The following TRPM3 variants were observed in gnomAD, a reference collection of about 807,000 sequenced individuals.
TRPM3 encodes the protein long transient receptor potential channel 3.
Under a neutral mutation model 181.2 loss-of-function variants are expected in TRPM3, and 77 were observed. The ratio of observed to expected loss-of-function variants is 0.42; its 90% CI spans 0.35 to 0.51. The LOEUF is 0.51. Ranked by LOEUF, TRPM3 falls within the 20% of genes least tolerant of loss-of-function variation. The probability of loss-of-function intolerance (pLI) is 0.01; values close to 1 mark genes in which losing one functional copy is unlikely to be tolerated. For missense variants in TRPM3, 1,759 were observed against 2,196.7 expected (o/e 0.80, Z 3.98); for synonymous variants, 745 against 796.4 (o/e 0.94, Z 1.09).
intron 1 of TRPM3, among the ~76,000 whole-genome samples, chr9:71,089,116 ATT>A (rs1234203083): frequency 6.8e-6 from 1 of 147,570 alleles, no homozygotes; most frequent in African/African-American, 2.5e-5. Flanking sequence ...TATGATATAT[ATT>A]GTATATATCA....
intron 1 of TRPM3, among the ~76,000 whole-genome samples, chr9:71,217,740 C>A (rs931139057): frequency 6.6e-6 from 1 of 152,088 alleles, no homozygotes; most frequent in Non-Finnish European, 1.5e-5. Flanking sequence ...GGTAATCCAC[C>A]GGGGAACCAA....
intron 1 of TRPM3, among the ~76,000 whole-genome samples, chr9:71,364,413 T>C (rs767212620): frequency 1.4e-4 from 21 of 152,206 alleles, no homozygotes; most frequent in Non-Finnish European, 2.9e-4. Context: ...CAACCACTAA[T>C]TGGCCAGAGT....
intron 6 of TRPM3, chr9:70,826,046 T>A (rs1450795406): frequency 6.6e-6 from 1 of 152,352 alleles, no homozygotes; most frequent in Non-Finnish European, 1.5e-5. Context: ...TCTGGACCGA[T>A]TTTGTCTTAT....
chr9:70,648,351 T>C (rs1173646625), intron 9 of TRPM3, among the ~76,000 whole-genome samples: 42 of 152,018 alleles, frequency 2.8e-4, no homozygotes, highest in Non-Finnish European at 1.3e-4. Context: ...TGGCATGTAC[T>C]TGTGGTCCCA....
At chr9:71,040,805 C>CA in intron 1 of TRPM3, among the ~76,000 whole-genome samples, 1 of 152,114 alleles carries the variant, frequency 6.6e-6, no homozygotes, top group African/African-American at 2.4e-5. Context: ...ACTTCTGGGG[C>CA]AAAAATGCAT....
At chr9:71,349,088 G>A (rs1318444003) in intron 1 of TRPM3, among the ~76,000 whole-genome samples, 2 of 152,112 alleles carry the variant, frequency 1.3e-5, no homozygotes, top group Non-Finnish European at 2.9e-5. Context: ...GCTCATATTA[G>A]GGCTAGAAAA....
At chr9:70,962,825 T>C (rs2097149940) in intron 1 of TRPM3, among the ~76,000 whole-genome samples, 1 of 152,136 alleles carries the variant, frequency 6.6e-6, no homozygotes, top group South Asian at 2.1e-4. Flanking sequence ...CTGCAAAAAG[T>C]GATTTTGAAT....
At chr9:70,764,192 A>G (rs2078672676) in intron 7 of TRPM3, among the ~76,000 whole-genome samples, 1 of 152,198 alleles carries the variant, frequency 6.6e-6, no homozygotes, top group South Asian at 2.1e-4. Context: ...TTGTGTTGCC[A>G]ATTAATTTTC....
chr9:70,740,546 A>G (rs2073852200), intron 8 of TRPM3, among the ~76,000 whole-genome samples: 1 of 152,176 alleles, frequency 6.6e-6, no homozygotes, highest in African/African-American at 2.4e-5. Flanking sequence ...AAAAGAACAA[A>G]TCTGGAGGCA....
intron 1 of TRPM3, among the ~76,000 whole-genome samples, chr9:70,949,072 A>T (rs1250983694): frequency 6.6e-6 from 1 of 152,126 alleles, no homozygotes; most frequent in Non-Finnish European, 1.5e-5. Context: ...CAGGCTGTGC[A>T]TGGAAATAGC....
intron 1 of TRPM3, among the ~76,000 whole-genome samples, chr9:70,946,463 ACAG>A (rs2096934462): frequency 6.7e-6 from 1 of 148,604 alleles, no homozygotes; most frequent in African/African-American, 2.5e-5. Flanking sequence ...AATAATAATA[ACAG>A]CAGCAATATT....
chr9:71,184,329 G>A (rs7022268), intron 1 of TRPM3, among the ~76,000 whole-genome samples: 23,544 of 152,068 alleles, frequency 0.15, 1,827 homozygotes, highest in South Asian at 0.21. Context: ...TCCTTAGCAA[G>A]GGCCTCAAAT....
intron 5 of TRPM3, among the ~76,000 whole-genome samples, chr9:70,840,480 T>C (rs565366274): frequency 1.8e-4 from 27 of 152,278 alleles, no homozygotes; most frequent in South Asian, 4.1e-4. Context: ...ATGCACACAT[T>C]TACTGAACAT....
chr9:70,882,980 C>CA (rs1262750874), intron 1 of TRPM3, among the ~76,000 whole-genome samples: 3 of 152,084 alleles, frequency 2.0e-5, no homozygotes, highest in Non-Finnish European at 4.4e-5. Context: ...GAAACATTTC[C>CA]AAAAACAACA....
At chr9:70,668,291 A>T (rs1447775866) in intron 9 of TRPM3, among the ~76,000 whole-genome samples, 1 of 152,174 alleles carries the variant, frequency 6.6e-6, no homozygotes, top group Non-Finnish European at 1.5e-5. Flanking sequence ...CAGTTTCCTC[A>T]ATTGTAAGAT....
intron 1 of TRPM3, among the ~76,000 whole-genome samples, chr9:71,209,098 T>C (rs895861625): frequency 2.0e-5 from 3 of 152,060 alleles, no homozygotes; most frequent in African/African-American, 7.2e-5. Context: ...AATGGGAGAA[T>C]GGGAAAGAGT....
chr9:71,261,477 C>A (rs1399963985), intron 1 of TRPM3, among the ~76,000 whole-genome samples: 2 of 152,172 alleles, frequency 1.3e-5, no homozygotes, highest in Non-Finnish European at 2.9e-5. Context: ...AGCCATTTCT[C>A]ATTACCCACA....
chr9:71,317,878 T>G (rs556829336), intron 1 of TRPM3, among the ~76,000 whole-genome samples: 19 of 152,246 alleles, frequency 1.2e-4, no homozygotes, highest in African/African-American at 4.6e-4. Context: ...AGGACCAAAT[T>G]TTTGAAATAA....
intron 1 of TRPM3, among the ~76,000 whole-genome samples, chr9:71,346,244 A>G (rs990651150): frequency 6.6e-6 from 1 of 152,258 alleles, no homozygotes; most frequent in Non-Finnish European, 1.5e-5. Flanking sequence ...TCGTTAAAGT[A>G]TCCAACTGTA....
Sources: gnomAD v4.1 joint callset for allele counts (sites outside exome capture counted in the v4.1 genomes callset) on GRCh38, gnomAD v4.1.1 for gene constraint, MANE v1.5 for transcripts, NCBI Gene and HGNC (gene_info 2026-07-23, HGNC 2026-07-21) for gene names.